Variants in MAGIX observed in about 807,000 individuals in gnomAD.
MAGIX encodes PDZ domain-containing protein MAGIX.
In MAGIX, 13 loss-of-function variants were observed where a neutral mutation model predicts 10.0. The observed-to-expected ratio is 1.30, with a 90% CI of 0.84 to 2.06. MAGIX has a LOEUF of 2.06. MAGIX is among the 30% of genes most tolerant of loss of function. The probability of loss-of-function intolerance (pLI) is 0.00; values close to 1 mark genes in which losing one functional copy is unlikely to be tolerated. For missense variants in MAGIX, 235 were observed against 245.2 expected (o/e 0.96, Z 0.28); for synonymous variants, 108 against 106.8 (o/e 1.01, Z -0.07).
At position 49,166,069 on chromosome X, in the gene MAGIX, C is replaced by T. The variant is rs1557097803; in HGVS notation, c.503-5C>T. 1 of 1,207,318 alleles carries T rather than the reference C, an allele frequency of 8.3e-7. No individual in the cohort carries two copies. The highest frequency in any genetic ancestry group is 1.8e-5 in the South Asian group (1 of 56,759). ...CCCTACTTCACCACCCAATCTAATC[C>T]GTAGTCCCGTCATGGCCAGATCGCA... is the stretch of plus-strand genomic sequence containing the variant. On this transcript the variant is annotated splice_polypyrimidine_tract_variant and splice_region_variant and intron_variant, in intron 4 of 4. Transcript: ENST00000616266.
chrX:49,164,564 T>A, intron 2 of MAGIX, 143 bp from the exon 3 acceptor site: 1 of 535,015 alleles, frequency 1.9e-6, no homozygotes, highest in Non-Finnish European at 3.3e-6. Context: ...GAGGGGATGG[T>A]GCGTAAATGG....
chrX:49,166,329 C>T (rs1557098067), exon 5 of MAGIX: 2 of 1,172,999 alleles, frequency 1.7e-6, no homozygotes, highest in South Asian at 3.8e-5. Flanking sequence ...GAACGGCTCT[C>T]GCGGGCCCTA....
exon 2 of MAGIX, chrX:49,163,819 G>C (rs1438534775): frequency 3.8e-6 from 4 of 1,045,282 alleles, no homozygotes; most frequent in South Asian, 2.8e-5. Flanking sequence ...CCTAGCGCCC[G>C]GCAGCTCCTG....
chrX:49,165,049 C>G, exon 3 of MAGIX: 1 of 1,209,400 alleles, frequency 8.3e-7, no homozygotes, highest in Admixed American at 2.2e-5. Flanking sequence ...CGTGCGCGGG[C>G]TGCTGAAGGA....
rs1369646179 is a variant in MAGIX at position 49,163,818 on chromosome X, C to G, written c.-166C>G. 1.9e-5 allele frequency: 20 copies of G among 1,047,863 alleles called. No individual in the cohort carries two copies. In the African/African-American group the frequency reaches 2.0e-4, roughly 10 times the overall value. 86.4% of individuals were successfully genotyped at this position (1,047,863 alleles called of 1,213,427 possible). ...CTCCCCGCTCGCGGGCCCTAGCGCC[C>G]GGCAGCTCCTGGCGCGGTTGGACGC... is the stretch of plus-strand genomic sequence containing the variant. On this transcript the variant is annotated 5_prime_UTR_variant, in exon 2 of 5. Coordinates refer to ENST00000616266, the Ensembl canonical transcript of MAGIX.
In MAGIX at chrX:49,163,774, T is replaced by G; in HGVS notation, c.-201-9T>G. On this transcript the variant is annotated splice_polypyrimidine_tract_variant and intron_variant, in intron 1 of 4. Coordinates refer to ENST00000616266, the Ensembl canonical transcript of MAGIX. ...GGGTCGGCGTTGACCTGTCCCCTCT[T>G]GCGCGCAGGCCGCGGCCCCTCCCCG... 2 of 1,044,598 alleles carry G rather than the reference T, an allele frequency of 1.9e-6. No homozygotes were observed. Among genetic ancestry groups the G allele is most frequent in the Non-Finnish European group, 2.4e-6 (2 of 818,656 alleles). The allele number at this position is 1,044,598 out of a possible 1,213,427, so 86.1% of individuals were successfully genotyped here.
chrX:49,164,088 C>T, intron 2 of MAGIX, 159 bp downstream of exon 2: 1 of 434,704 alleles, frequency 2.3e-6, no homozygotes, highest in Non-Finnish European at 3.5e-6. Flanking sequence ...GTGGGAGGAG[C>T]CTTGGGGTTA....
At chrX:49,162,831 G>GC (rs1439937377) in intron 1 of MAGIX, 2 of 707,719 alleles carry the variant, frequency 2.8e-6, no homozygotes, top group African/African-American at 4.8e-5. Context: ...AGGTGAGCGC[G>GC]CCCCAGAGCT....
chrX:49,165,083 G>A (rs782556687), exon 3 of MAGIX: 47 of 1,203,445 alleles, frequency 3.9e-5, no homozygotes, highest in Middle Eastern at 4.6e-4. Flanking sequence ...CGCTGTGGTC[G>A]TTTGGAGGTG....
chrX:49,166,445 G>A, exon 5 of MAGIX: 2 of 1,044,640 alleles, frequency 1.9e-6, no homozygotes, highest in Non-Finnish European at 2.5e-6. Flanking sequence ...GCCCAACCTG[G>A]ATCCGGCGCG....
intron 2 of MAGIX, 83 bp downstream of exon 2, chrX:49,164,012 GC>G (rs1602584694): frequency 1.1e-6 from 1 of 921,825 alleles, no homozygotes; most frequent in Admixed American, 5.7e-5. Flanking sequence ...GGGGTCAGCA[GC>G]TACTGCCCTG....
chrX:49,165,079 G>C (rs1557097445), exon 3 of MAGIX: 2 of 1,205,203 alleles, frequency 1.7e-6, no homozygotes, highest in Non-Finnish European at 2.2e-6. Context: ...ACAGCGCTGT[G>C]GTCGTTTGGA....
At chrX:49,165,487 C>T in intron 4 of MAGIX, 126 bp downstream of exon 5, 1 of 634,079 alleles carries the variant, frequency 1.6e-6, no homozygotes, top group South Asian at 3.2e-5. Flanking sequence ...TGCAAGAGGT[C>T]ATGGTATTCT....
chrX:49,162,830 C>T, intron 1 of MAGIX: 1 of 700,935 alleles, frequency 1.4e-6, no homozygotes. Context: ...CAGGTGAGCG[C>T]GCCCCAGAGC....
exon 5 of MAGIX, chrX:49,168,300 C>T (rs2065379103): frequency 9.2e-6 from 1 of 108,412 alleles, no homozygotes; most frequent in Non-Finnish European, 1.9e-5. Flanking sequence ...GAAACCCCGT[C>T]TCTACTGAAA....
chrX:49,165,205 C>G (rs782187079), exon 4 of MAGIX: 1 of 1,191,193 alleles, frequency 8.4e-7, no homozygotes, highest in Non-Finnish European at 1.1e-6. Context: ...GGACCTCGTG[C>G]TCCACATCAA....
At chrX:49,166,152 T>C (rs1557097877) in exon 5 of MAGIX, 1 of 1,210,073 alleles carries the variant, frequency 8.3e-7, no homozygotes, top group Non-Finnish European at 1.1e-6. Flanking sequence ...ACTTCCCTAG[T>C]TCAGCACCCT....
chrX:49,166,412 C>T (rs781877300), exon 5 of MAGIX: 156 of 1,100,082 alleles, frequency 1.4e-4, no homozygotes, highest in Non-Finnish European at 1.9e-4. Flanking sequence ...CTACCTCTGA[C>T]AGCGCGGGGC....
At chrX:49,166,346 C>T in exon 5 of MAGIX, 1 of 1,164,005 alleles carries the variant, frequency 8.6e-7, no homozygotes, top group Non-Finnish European at 1.1e-6. Flanking sequence ...CCTAGGGGTC[C>T]GGGGGGCAGC....
Sources: allele counts gnomAD v4.1 joint callset, GRCh38; gene constraint gnomAD v4.1.1; transcripts MANE v1.5; gene names NCBI Gene and HGNC (gene_info 2026-07-23, HGNC 2026-07-21).